The following FMN1 variants were observed in gnomAD, a reference collection of about 807,000 sequenced individuals.
The protein encoded by FMN1 is formin-1.
Under a neutral mutation model 132.4 loss-of-function variants are expected in FMN1, and 110 were observed. The ratio of observed to expected loss-of-function variants is 0.83; its 90% CI spans 0.71 to 0.97. The LOEUF (loss-of-function observed/expected upper bound fraction) is 0.97, where lower values mean the gene tolerates loss of function less well. FMN1 is among the 50% of genes least tolerant of loss of function. The probability of loss-of-function intolerance (pLI) is 0.00; values close to 1 mark genes in which losing one functional copy is unlikely to be tolerated. For synonymous variants in FMN1, 722 were observed against 651.7 expected (o/e 1.11, Z -1.64); for missense variants, 1,792 against 1,705.3 (o/e 1.05, Z -0.90).
At chr15:32,982,367 A>G (rs2032747019) in intron 7 of FMN1, among the ~76,000 whole-genome samples, 1 of 152,210 alleles carries the variant, frequency 6.6e-6, no homozygotes, top group Admixed American at 6.5e-5. Context: ...CATTTCTTAT[A>G]AAGTTAAACA....
chr15:33,107,587 G>A (rs929440197), intron 4 of FMN1, among the ~76,000 whole-genome samples: 2 of 152,038 alleles, frequency 1.3e-5, no homozygotes, highest in African/African-American at 4.8e-5. Flanking sequence ...TTACACTGGT[G>A]TTTTCTTGGC....
chr15:32,788,019 G>C (rs1156322668), intron 19 of FMN1, among the ~76,000 whole-genome samples: 1 of 151,048 alleles, frequency 6.6e-6, no homozygotes, highest in East Asian at 2.0e-4. Context: ...CAGCTACACA[G>C]ATCAGCCACT....
chr15:32,888,857 GTTTTTTTT>G (rs34627075), intron 15 of FMN1, among the ~76,000 whole-genome samples: 1 of 135,610 alleles, frequency 7.4e-6, no homozygotes. Context: ...ATATACACAG[GTTTTTTTT>G]TTTTTTTTTT....
At chr15:32,933,601 C>T (rs2061178530) in intron 9 of FMN1, among the ~76,000 whole-genome samples, 1 of 152,100 alleles carries the variant, frequency 6.6e-6, no homozygotes. Context: ...CTGTGTATTT[C>T]TCCCTTTAGT....
chr15:33,126,119 T>TG (rs1466735336), intron 4 of FMN1, among the ~76,000 whole-genome samples: 1 of 152,136 alleles, frequency 6.6e-6, no homozygotes, highest in Non-Finnish European at 1.5e-5. Context: ...TTTGCAGCTG[T>TG]GGCTGCCACA....
At chr15:32,852,147 C>T (rs1216491326) in intron 17 of FMN1, among the ~76,000 whole-genome samples, 6 of 152,294 alleles carry the variant, frequency 3.9e-5, no homozygotes, top group Middle Eastern at 3.4e-3. Flanking sequence ...AGCCCAGCAT[C>T]TCTACCTGCG....
chr15:32,845,470 T>A (rs951382426), intron 17 of FMN1, among the ~76,000 whole-genome samples: 5 of 152,188 alleles, frequency 3.3e-5, no homozygotes, highest in Non-Finnish European at 5.9e-5. Flanking sequence ...CTCCTTTAGA[T>A]GATGAAACAA....
chr15:32,823,393 TG>T (rs906224238), intron 17 of FMN1, among the ~76,000 whole-genome samples: 2 of 152,060 alleles, frequency 1.3e-5, no homozygotes. Flanking sequence ...CTCGATCTCC[TG>T]ACCTCGTGAT....
At chr15:33,099,852 G>C (rs189967227) in intron 4 of FMN1, among the ~76,000 whole-genome samples, 4 of 152,160 alleles carry the variant, frequency 2.6e-5, no homozygotes, top group Admixed American at 1.3e-4. Flanking sequence ...CAAGCTTTGA[G>C]GTAGCATAAA....
At chr15:32,916,190 T>C (rs2060679293) in intron 10 of FMN1, among the ~76,000 whole-genome samples, 1 of 151,240 alleles carries the variant, frequency 6.6e-6, no homozygotes, top group African/African-American at 2.4e-5. Flanking sequence ...ATGCAAGGGG[T>C]CAGGGTCTCA....
chr15:32,929,815 GTTT>G (rs2061060653), intron 9 of FMN1, among the ~76,000 whole-genome samples: 1 of 149,416 alleles, frequency 6.7e-6, no homozygotes, highest in African/African-American at 2.5e-5. Flanking sequence ...TACACACCAC[GTTT>G]TCTTTACCCA....
At chr15:33,082,053 G>GTGTGTGTGTGTGTT (rs540217494) in intron 5 of FMN1, among the ~76,000 whole-genome samples, 1,586 of 134,514 alleles carry the variant, frequency 0.012, 29 homozygotes, top group African/African-American at 0.037. Context: ...GTGTGTGTGT[G>GTGTGTGTGTGTGTT]TAAGACGGAG....
At chr15:33,114,665 G>A (rs1277440280) in intron 4 of FMN1, among the ~76,000 whole-genome samples, 1 of 152,170 alleles carries the variant, frequency 6.6e-6, no homozygotes, top group African/African-American at 2.4e-5. Context: ...CTTTTGGAGA[G>A]AGCCTGTGGG....
At chr15:33,019,238 TAGATTAGC>T (rs1243492594) in intron 6 of FMN1, among the ~76,000 whole-genome samples, 1 of 152,082 alleles carries the variant, frequency 6.6e-6, no homozygotes, top group East Asian at 1.9e-4. Context: ...ACCTCCCCAC[TAGATTAGC>T]TAGATACAGA....
chr15:33,113,701 G>A (rs572999352), intron 4 of FMN1, among the ~76,000 whole-genome samples: 2 of 151,986 alleles, frequency 1.3e-5, no homozygotes, highest in Non-Finnish European at 2.9e-5. Context: ...TCTAGACAGG[G>A]GCCCCACGTT....
intron 3 of FMN1, among the ~76,000 whole-genome samples, chr15:33,177,580 C>A (rs1431741323): frequency 6.6e-6 from 1 of 152,196 alleles, no homozygotes; most frequent in Non-Finnish European, 1.5e-5. Flanking sequence ...AACCCACTCA[C>A]CAAATTACTT....
chr15:33,027,944 G>A (rs879331393), intron 6 of FMN1, among the ~76,000 whole-genome samples: 1 of 152,136 alleles, frequency 6.6e-6, no homozygotes, highest in Non-Finnish European at 1.5e-5. Context: ...CTGTGATCCC[G>A]CTACAGTGTT....
intron 17 of FMN1, among the ~76,000 whole-genome samples, chr15:32,826,164 G>T (rs955437466): frequency 1.3e-5 from 2 of 152,226 alleles, no homozygotes; most frequent in Admixed American, 1.3e-4. Flanking sequence ...GGGGTCCCTA[G>T]AGTGTTTCTC....
chr15:33,025,232 AAATTC>A (rs1446981446), intron 6 of FMN1, among the ~76,000 whole-genome samples: 2 of 152,170 alleles, frequency 1.3e-5, no homozygotes, highest in Non-Finnish European at 2.9e-5. Context: ...AAGCTGAGAG[AAATTC>A]AATAACAAAA....
Sources: gnomAD v4.1 joint callset for allele counts (sites outside exome capture counted in the v4.1 genomes callset) on GRCh38, gnomAD v4.1.1 for gene constraint, MANE v1.5 for transcripts, NCBI Gene and HGNC (gene_info 2026-07-23, HGNC 2026-07-21) for gene names.